The following GPHN variants were observed in gnomAD, a reference collection of about 807,000 sequenced individuals.
The protein encoded by GPHN is gephyrin.
A neutral mutation model predicts 95.5 loss-of-function variants in GPHN; 17 were observed. The observed-to-expected ratio is 0.18, with a 90% confidence interval of 0.12 to 0.27. The LOEUF (loss-of-function observed/expected upper bound fraction) is 0.27. Among genes scored for constraint, GPHN ranks in the 10% least tolerant of loss-of-function variants. The pLI, the probability that GPHN is intolerant of heterozygous loss-of-function variation, is 1.00. For synonymous variants in GPHN, 320 were observed against 322.5 expected, an observed-to-expected ratio of 0.99 and a Z score of 0.08; for missense variants, 660 against 978.1, an observed-to-expected ratio of 0.67 and a Z score of 4.34.
At chr14:66,830,247 G>A (rs1357201774) in intron 4 of GPHN, among the ~76,000 whole-genome samples, 3 of 152,044 alleles carry the variant, frequency 2.0e-5, no homozygotes, top group South Asian at 2.1e-4. Flanking sequence ...TCCGAATAAT[G>A]TTAGGTTTCC....
chr14:66,794,270 G>T (rs1414241142), intron 3 of GPHN, among the ~76,000 whole-genome samples: 1 of 152,038 alleles, frequency 6.6e-6, no homozygotes, highest in Non-Finnish European at 1.5e-5. Context: ...GAGAGATCTG[G>T]TCGTCTGAAA....
At chr14:67,351,911 C>CAAA in the GPHN span, among the ~76,000 whole-genome samples, 1 of 128,118 alleles carries the variant, frequency 7.8e-6, no homozygotes, top group African/African-American at 3.2e-5. Context: ...GAACCTCTAC[C>CAAA]AAAAAAAAAA....
intron 2 of GPHN, among the ~76,000 whole-genome samples, chr14:66,685,369 A>G (rs1398170059): frequency 6.6e-6 from 1 of 151,848 alleles, no homozygotes; most frequent in East Asian, 1.9e-4. Context: ...TCCCACCAAC[A>G]GTGTAAAAGT....
chr14:67,024,087 A>G (rs2073803102), intron 10 of GPHN, among the ~76,000 whole-genome samples: 1 of 152,226 alleles, frequency 6.6e-6, no homozygotes, highest in Non-Finnish European at 1.5e-5. Context: ...TTTTGTGAAT[A>G]TGAATTCCTG....
intron 1 of GPHN, among the ~76,000 whole-genome samples, chr14:66,581,236 A>AG (rs928425515): frequency 2.0e-5 from 3 of 151,734 alleles, no homozygotes; most frequent in Admixed American, 6.6e-5. Context: ...TGTAAAAAAA[A>AG]AAAAAAGATG....
chr14:67,182,604 T>C (rs976997484), downstream of GPHN, among the ~76,000 whole-genome samples: 13 of 152,178 alleles, frequency 8.5e-5, no homozygotes, highest in African/African-American at 2.9e-4. Flanking sequence ...TAAGCATCTA[T>C]TATGTGCTTG....
At chr14:67,369,316 A>G in the GPHN span, among the ~76,000 whole-genome samples, 16 of 152,232 alleles carry the variant, frequency 1.1e-4, no homozygotes, top group African/African-American at 3.9e-4. Context: ...GTTAGAAGGA[A>G]AACAACAGTC....
chr14:66,802,797 A>G (rs2060407264), intron 3 of GPHN, among the ~76,000 whole-genome samples: 1 of 152,118 alleles, frequency 6.6e-6, no homozygotes, highest in Non-Finnish European at 1.5e-5. Context: ...CCAGTGCCCT[A>G]TCCTGCTCTG....
At chr14:67,642,609 G>A in the GPHN span, among the ~76,000 whole-genome samples, 5 of 152,032 alleles carry the variant, frequency 3.3e-5, no homozygotes, top group African/African-American at 9.7e-5. Flanking sequence ...AAGTTCAGAG[G>A]TATACTAGGC....
intron 1 of GPHN, among the ~76,000 whole-genome samples, chr14:66,637,266 A>G (rs1237344597): frequency 1.3e-5 from 2 of 152,166 alleles, no homozygotes; most frequent in African/African-American, 4.8e-5. Flanking sequence ...ACTTAGGATA[A>G]AATACAAAAT....
chr14:67,580,199 C>T, the GPHN span: 6 of 243,648 alleles, frequency 2.5e-5, no homozygotes, highest in Non-Finnish European at 4.8e-5. Flanking sequence ...TACACGTGCC[C>T]ACTCAGAGGC....
chr14:67,333,130 G>A, the GPHN span: 1 of 550,086 alleles, frequency 1.8e-6, no homozygotes, highest in East Asian at 3.0e-5. Flanking sequence ...GGCAGTTTGT[G>A]CATGGCATCC....
In GPHN at chr14:66,571,453, T is replaced by C. The variant is rs75712645; in HGVS notation, c.64+62862T>C. On this transcript the variant is annotated intron_variant, in intron 1 of 22. Transcript: ENST00000478722. ...TTCTGTAGGCTGTCTCTTCACTCTG[T>C]TGATCATGTACCTTGCTGGGCAAAA... Among the ~76,000 whole-genome samples, 562 of 152,288 alleles carry C rather than the reference T, an allele frequency of 3.7e-3. 7 individuals carry two copies. The highest frequency in any genetic ancestry group is 0.013 in the African/African-American group (525 of 41,574).
intron 2 of GPHN, among the ~76,000 whole-genome samples, chr14:66,733,705 G>A (rs2072007296): frequency 6.6e-6 from 1 of 152,060 alleles, no homozygotes; most frequent in South Asian, 2.1e-4. Context: ...AAGTGGGGAA[G>A]GCACATATCT....
chr14:67,273,111 TTC>T, the GPHN span, among the ~76,000 whole-genome samples: 11 of 135,690 alleles, frequency 8.1e-5, no homozygotes, highest in East Asian at 2.6e-3. Flanking sequence ...GGAGTGATAT[TTC>T]TTTCTTTTTT....
At chr14:67,101,964 C>T (rs917733332) in intron 13 of GPHN, among the ~76,000 whole-genome samples, 4 of 151,978 alleles carry the variant, frequency 2.6e-5, no homozygotes, top group South Asian at 2.1e-4. Flanking sequence ...CTCCGCCTCC[C>T]GGGCTCACGC....
At chr14:66,572,695 G>C (rs7145981) in intron 1 of GPHN, among the ~76,000 whole-genome samples, 1 of 151,766 alleles carries the variant, frequency 6.6e-6, no homozygotes, top group Non-Finnish European at 1.5e-5. Flanking sequence ...ATAAGATGCT[G>C]TCAGCAACCA....
the GPHN span, among the ~76,000 whole-genome samples, chr14:67,225,529 G>A: frequency 6.6e-6 from 1 of 152,140 alleles, no homozygotes; most frequent in Non-Finnish European, 1.5e-5. Flanking sequence ...CTACCATAGC[G>A]ATTCTTCTCA....
At chr14:66,943,447 C>T (rs2067542847) in intron 8 of GPHN, among the ~76,000 whole-genome samples, 1 of 152,190 alleles carries the variant, frequency 6.6e-6, no homozygotes, top group Non-Finnish European at 1.5e-5. Flanking sequence ...CCTAGCCTTA[C>T]CATTTATGGA....
Sources: allele counts gnomAD v4.1 joint callset (sites outside exome capture counted in the v4.1 genomes callset), GRCh38; gene constraint gnomAD v4.1.1; transcripts MANE v1.5; gene names NCBI Gene and HGNC (gene_info 2026-07-23, HGNC 2026-07-21).